DPP10: variants seen among roughly 807,000 people sequenced by gnomAD.
The protein encoded by DPP10 is inactive dipeptidyl peptidase 10.
DPP10 carries 33 observed loss-of-function variants against 120.9 expected under a neutral mutation model. The observed-to-expected ratio is 0.27, with a 90% confidence interval of 0.21 to 0.37. The LOEUF (loss-of-function observed/expected upper bound fraction) is 0.37. Ranked by LOEUF, DPP10 falls within the 10% of genes least tolerant of loss-of-function variation. The probability of loss-of-function intolerance (pLI) is 1.00; values close to 1 mark genes in which losing one functional copy is unlikely to be tolerated. For missense variants in DPP10, 816 were observed against 942.8 expected (o/e 0.87, Z 1.76); for synonymous variants, 337 against 326.1 (o/e 1.03, Z -0.36).
rs67598156 is a variant in DPP10, at chr2:115,244,239, TAGAGAGAGAGAGAGAGAG to T, written c.61-64974_61-64957del. ...GTGTATATATATATATATATATATATAGAGAGAGAGAGAGAGAGAGAGAGAGAGAGAGAGAGAGAGAGA... is the reference window on the plus strand; with the variant it reads ...GTGTATATATATATATATATATATATAGAGAGAGAGAGAGAGAGAGAGAGA... On this transcript the variant is annotated intron_variant, in intron 1 of 25. Transcript: ENST00000410059. Among the ~76,000 whole-genome samples, 123 of 93,478 alleles carry T rather than the reference TAGAGAGAGAGAGAGAGAG, an allele frequency of 1.3e-3. No individual in the cohort carries two copies. The Middle Eastern group carries it at 0.032, about 24-fold the overall frequency. 61.3% of individuals were successfully genotyped at this position (93,478 alleles called of 152,430 possible). A position where few individuals can be genotyped will look rare whatever the true frequency, so the allele number is the denominator to read the frequency against.
intron 1 of DPP10, among the ~76,000 whole-genome samples, chr2:115,127,026 T>C (rs1180544152): frequency 6.6e-6 from 1 of 152,208 alleles, no homozygotes; most frequent in Non-Finnish European, 1.5e-5. Flanking sequence ...ATGTAAATAT[T>C]GTACCAGGTC....
chr2:114,760,349 C>T (rs1048206068), intron 1 of DPP10, among the ~76,000 whole-genome samples: 3 of 152,140 alleles, frequency 2.0e-5, no homozygotes, highest in Non-Finnish European at 4.4e-5. Context: ...TAACAGAAAT[C>T]CAAAGGCTGG....
intron 1 of DPP10, chr2:115,162,303 G>T: frequency 6.6e-7 from 1 of 1,505,952 alleles, no homozygotes. Context: ...GGGGAACCCC[G>T]GCGGGCGGCC....
chr2:114,804,712 A>T (rs565554062), intron 1 of DPP10, among the ~76,000 whole-genome samples: 2 of 152,136 alleles, frequency 1.3e-5, no homozygotes, highest in African/African-American at 4.8e-5. Flanking sequence ...CACATACCCC[A>T]TCGTAACTAG....
chr2:115,265,418 G>A (rs908782583), intron 1 of DPP10, among the ~76,000 whole-genome samples: 1 of 151,842 alleles, frequency 6.6e-6, no homozygotes, highest in South Asian at 2.1e-4. Flanking sequence ...AGGAGACATG[G>A]TTCCCTAGGA....
intron 1 of DPP10, among the ~76,000 whole-genome samples, chr2:114,740,548 C>G (rs1677946970): frequency 6.6e-6 from 1 of 152,068 alleles, no homozygotes; most frequent in African/African-American, 2.4e-5. Context: ...TACTTCTATT[C>G]TTGCTCCCTA....
At chr2:115,666,690 G>A (rs2089481774) in intron 5 of DPP10, among the ~76,000 whole-genome samples, 1 of 152,106 alleles carries the variant, frequency 6.6e-6, no homozygotes, top group Admixed American at 6.6e-5. Context: ...CCACGACTTT[G>A]CTATTGGGAA....
intron 5 of DPP10, among the ~76,000 whole-genome samples, chr2:115,554,249 T>C (rs1181427933): frequency 1.3e-5 from 2 of 151,762 alleles, no homozygotes. Context: ...AAATCACAGA[T>C]GTGTCCTTAT....
At chr2:115,258,535 A>G (rs2059109570) in intron 1 of DPP10, among the ~76,000 whole-genome samples, 1 of 152,208 alleles carries the variant, frequency 6.6e-6, no homozygotes, top group South Asian at 2.1e-4. Flanking sequence ...TAAATTGAAA[A>G]TCACCCTAAA....
chr2:115,460,420 G>T (rs1476730725), intron 3 of DPP10, among the ~76,000 whole-genome samples: 1 of 152,108 alleles, frequency 6.6e-6, no homozygotes, highest in Non-Finnish European at 1.5e-5. Context: ...TAAAAAAGCA[G>T]TCTTCTTCAT....
intron 3 of DPP10, among the ~76,000 whole-genome samples, chr2:115,474,800 G>A (rs980132613): frequency 3.3e-5 from 5 of 151,214 alleles, no homozygotes; most frequent in African/African-American, 7.3e-5. Context: ...AAGTAAAGAG[G>A]AGCCAATTAC....
chr2:115,083,815 C>G (rs1232976863), intron 1 of DPP10, among the ~76,000 whole-genome samples: 1 of 152,176 alleles, frequency 6.6e-6, no homozygotes, highest in East Asian at 1.9e-4. Context: ...ACACAGCCAG[C>G]CATTGCTATT....
chr2:115,605,140 G>A (rs905333434), intron 5 of DPP10, among the ~76,000 whole-genome samples: 12 of 152,050 alleles, frequency 7.9e-5, no homozygotes, highest in African/African-American at 2.9e-4. Flanking sequence ...ACAAAATAAA[G>A]AAATTTGGAG....
intron 21 of DPP10, among the ~76,000 whole-genome samples, chr2:115,818,171 T>C (rs1687456225): frequency 6.6e-6 from 1 of 152,174 alleles, no homozygotes; most frequent in Non-Finnish European, 1.5e-5. Context: ...GCCCATCAGT[T>C]TCTTATTAGG....
At chr2:114,843,164 C>T (rs144488691) in intron 1 of DPP10, among the ~76,000 whole-genome samples, 8 of 152,140 alleles carry the variant, frequency 5.3e-5, no homozygotes, top group African/African-American at 1.9e-4. Context: ...TGACTTTGAA[C>T]CCCCCAAGAT....
intron 19 of DPP10, among the ~76,000 whole-genome samples, chr2:115,801,281 A>G (rs1685205290): frequency 1.3e-5 from 2 of 152,134 alleles, no homozygotes; most frequent in Admixed American, 1.3e-4. Context: ...TTGTACATTG[A>G]TTTTGTATGC....
intron 7 of DPP10, among the ~76,000 whole-genome samples, chr2:115,701,195 T>G (rs1056221247): frequency 6.6e-6 from 1 of 152,120 alleles, no homozygotes; most frequent in Non-Finnish European, 1.5e-5. Flanking sequence ...CTTACTACAA[T>G]GTATAGAATT....
chr2:114,679,286 G>A (rs1392969437), intron 1 of DPP10, among the ~76,000 whole-genome samples: 2 of 152,036 alleles, frequency 1.3e-5, no homozygotes, highest in Admixed American at 6.6e-5. Context: ...AATGCAGAGA[G>A]TACTTCCAGA....
chr2:115,020,836 G>A lies in DPP10; in HGVS notation c.61-288403G>A, dbSNP rs571827559. 1.1e-4 allele frequency among the ~76,000 whole-genome samples: 17 copies of A among 152,102 alleles called. No homozygotes were observed. The South Asian group carries it at 2.9e-3, about 26-fold the overall frequency. Reference sequence around the variant, plus strand: ...TTAAGTATTCTCTGAGACCACAGTCGAATACAATTGGAAATCAACTCCAGA... The same window carrying A: ...TTAAGTATTCTCTGAGACCACAGTCAAATACAATTGGAAATCAACTCCAGA... On this transcript the variant is annotated intron_variant, in intron 1 of 25. Transcript: ENST00000410059.
Sources: gnomAD v4.1 joint callset for allele counts (sites outside exome capture counted in the v4.1 genomes callset) on GRCh38, gnomAD v4.1.1 for gene constraint, MANE v1.5 for transcripts, NCBI Gene and HGNC (gene_info 2026-07-23, HGNC 2026-07-21) for gene names.